RGL3: variants seen among roughly 807,000 people sequenced by gnomAD.
The protein encoded by RGL3 is ral guanine nucleotide dissociation stimulator-like 3.
In RGL3, 85 loss-of-function variants were observed where a neutral mutation model predicts 90.6. That is an observed-to-expected ratio of 0.94 (90% CI 0.79 to 1.12). RGL3 has a LOEUF of 1.12. Ranked by LOEUF, RGL3 falls within the 50% of genes most tolerant of loss-of-function variation. The pLI, the probability that RGL3 is intolerant of heterozygous loss-of-function variation, is 0.00. For synonymous variants in RGL3, 408 were observed against 385.5 expected, an observed-to-expected ratio of 1.06 and a Z score of -0.68; for missense variants, 1,034 against 939.2, an observed-to-expected ratio of 1.10 and a Z score of -1.32.
chr19:11,397,087 T>C lies in RGL3; in HGVS notation c.2014+157A>G, dbSNP rs143896532. 3.3e-3 allele frequency among the ~76,000 whole-genome samples: 496 copies of C among 152,266 alleles called. 2 individuals carry two copies. The highest frequency in any genetic ancestry group is 0.011 in the African/African-American group (463 of 41,554). On this transcript the variant is annotated intron_variant, in intron 18 of 18. Coordinates refer to ENST00000380456, the MANE Select transcript of RGL3 (RefSeq NM_001035223.4). ...ATCGTTGGGTTACAGGTATTTTATGTCCTCTTACCTCCACTGATTATCTTA... is the reference window on the plus strand; with the variant it reads ...ATCGTTGGGTTACAGGTATTTTATGCCCTCTTACCTCCACTGATTATCTTA...
At chr19:11,414,719 G>T (rs4804592) in intron 5 of RGL3, among the ~76,000 whole-genome samples, 8,004 of 150,990 alleles carry the variant, frequency 0.053, 233 homozygotes, top group African/African-American at 0.076. Flanking sequence ...TCCTAAGCAG[G>T]ATGCAATTAT....
chr19:11,397,279 T>G lies in RGL3; in HGVS notation c.1979A>C (p.Asp660Ala). 1.2e-6 allele frequency: 2 copies of G among 1,613,898 alleles called. No homozygotes were observed. Among genetic ancestry groups the G allele is most frequent in the Non-Finnish European group, 8.5e-7 (1 of 1,179,954 alleles). ...AGGAAGGACTTGAAAGAGCTGATAG[T>G]CACAGGCCCAGGGCTGGGGCACATT... ...KHNVPQPWACDYQLFQVLPGD... is the reference protein window; with the variant it reads ...KHNVPQPWACAYQLFQVLPGD... The change falls in exon 18 of 19, where the codon GAC becomes GCC. Residue 660 changes from aspartate to alanine, a missense_variant. Physicochemically the swap from Asp to Ala is moderately radical, Grantham distance 126. Coordinates refer to ENST00000380456, the MANE Select transcript of RGL3 (RefSeq NM_001035223.4).
At chr19:11,395,252 C>T (rs919908170) in intron 18 of RGL3, among the ~76,000 whole-genome samples, 6 of 151,764 alleles carry the variant, frequency 4.0e-5, no homozygotes, top group African/African-American at 1.5e-4. Flanking sequence ...TCACCATGAA[C>T]TTGAATAACT....
chr19:11,397,473 T>G lies in RGL3; in HGVS notation c.1871A>C (p.Asp624Ala). ...ARVIRVSIDNDHGNLYRSILL... is the reference protein window; with the variant it reads ...ARVIRVSIDNAHGNLYRSILL... ...GATGCTTCGATACAGGTTCCCGTGGTCATTGTCGATGCTGACGCGGATGAC... is the reference window on the plus strand; with the variant it reads ...GATGCTTCGATACAGGTTCCCGTGGGCATTGTCGATGCTGACGCGGATGAC... The change falls in exon 17 of 19, where the codon GAC (aspartate) becomes GCC (alanine). Residue 624 changes from aspartate (D) to alanine (A), a missense_variant. By Grantham distance (126) the Asp-to-Ala change is moderately radical (BLOSUM62 -2). Coordinates refer to ENST00000380456, the MANE Select transcript of RGL3 (RefSeq NM_001035223.4). The G allele has an allele frequency of 1.2e-6, 2 of 1,612,730 alleles. No individual in the cohort carries two copies. The highest frequency in any genetic ancestry group is 1.7e-6 in the Non-Finnish European group (2 of 1,179,282).
rs201152952 is a variant in RGL3, at chr19:11,397,456, G to A, written c.1888C>T (p.Arg630Ter). The change falls in exon 17 of 19, where the codon CGA becomes TGA. Residue 630 changes from arginine (R) to a stop codon, truncating the protein, a stop_gained. Coordinates refer to ENST00000380456, the MANE Select transcript of RGL3 (RefSeq NM_001035223.4). LOFTEE classifies it high-confidence loss of function. ...SIDNDHGNLYRSILLTSQDKA... is the reference protein window; with the variant it reads ...SIDNDHGNLY ...GCCCAGCCCCTCACCAAGATGCTTCGATACAGGTTCCCGTGGTCATTGTCG... is the reference window on the plus strand; with the variant it reads ...GCCCAGCCCCTCACCAAGATGCTTCAATACAGGTTCCCGTGGTCATTGTCG... The A allele has an allele frequency of 7.3e-5, 118 of 1,609,008 alleles. No individual in the cohort carries two copies. The highest frequency in any genetic ancestry group is 8.8e-5 in the Non-Finnish European group (104 of 1,176,864).
Position 11,416,085 on chromosome 19 carries a change from AGGGT to A in RGL3, c.485_488del (p.His162LeufsTer93). The A allele has an allele frequency of 6.2e-7, 1 of 1,609,676 alleles. No individual in the cohort carries two copies. The highest frequency in any genetic ancestry group is 2.2e-5 in the East Asian group (1 of 44,804). On this transcript the variant is annotated frameshift_variant, in exon 5 of 19. Coordinates refer to ENST00000380456, the MANE Select transcript of RGL3 (RefSeq NM_001035223.4). LOFTEE classifies it high-confidence loss of function. ...GGACACTGCCCAGGTCCGAATGGGC[AGGGT>A]GGTCTCGGAAATCCTGAGGGTGGTC...
At chr19:11,419,107 AAGGGCCGCG>A in intron 1 of RGL3, 130 bp downstream of exon 1, 1 of 913,824 alleles carries the variant, frequency 1.1e-6, no homozygotes, top group Middle Eastern at 2.3e-4. Flanking sequence ...TCACTGGGTC[AAGGGCCGCG>A]AGTCCCCAGG....
At chr19:11,405,577 G>T in intron 7 of RGL3, 151 bp from the exon 8 acceptor site, 2 of 637,092 alleles carry the variant, frequency 3.1e-6, no homozygotes, top group Non-Finnish European at 5.0e-6. Context: ...GAGTGCAGTG[G>T]CTCGATCATA....
chr19:11,408,478 C>T (rs755792026), intron 5 of RGL3, among the ~76,000 whole-genome samples: 29 of 151,354 alleles, frequency 1.9e-4, no homozygotes, highest in Non-Finnish European at 1.9e-4. Flanking sequence ...CCCAGCTACT[C>T]GGGGGGCTGA....
At position 11,417,162 on chromosome 19, in the gene RGL3, T is replaced by G. The variant is rs143358478; in HGVS notation, c.148-103A>C. On this transcript the variant is annotated intron_variant, in intron 2 of 18. Transcript: ENST00000380456. ...AGCACCACTCTTTTTTTTTTTGTTT[T>G]TTTTTTTGAGACAGAGTCTCACTCT... is the stretch of plus-strand genomic sequence containing the variant. 1,026 of 948,320 alleles carry G rather than the reference T, an allele frequency of 1.1e-3. 10 individuals carry two copies. The African/African-American group carries it at 0.016, about 14-fold the overall frequency. The allele number at this position is 948,320 out of a possible 1,614,324, so 58.7% of individuals were successfully genotyped here.
At chr19:11,417,762 G>A (rs959951110) in intron 2 of RGL3, among the ~76,000 whole-genome samples, 6 of 152,078 alleles carry the variant, frequency 3.9e-5, no homozygotes, top group Admixed American at 3.3e-4. Context: ...GAGCCACCTC[G>A]CCCCGCCTGT....
chr19:11,405,166 C>A lies in RGL3; in HGVS notation c.1166G>T (p.Ser389Ile), dbSNP rs1968748749. ...IFSDENNHLS[S>I]REILFQEEAT... ...CTCTACCTGGAAAAGAATCTCTCTG[C>A]TGCTGAGGTGGTTGTTCTCATCGGA... Residue 389 changes from serine (S) to isoleucine (I), a missense_variant, in exon 9 of 19, where the codon AGC becomes ATC. Coordinates refer to ENST00000380456, the MANE Select transcript of RGL3 (RefSeq NM_001035223.4). 6.2e-7 allele frequency: 1 copy of A among 1,614,060 alleles called. No homozygotes were observed. Among genetic ancestry groups the A allele is most frequent in the Non-Finnish European group, 8.5e-7 (1 of 1,179,910 alleles).
intron 10 of RGL3, 53 bp downstream of exon 10, chr19:11,402,597 A>G: frequency 3.7e-6 from 6 of 1,612,636 alleles, no homozygotes; most frequent in Admixed American, 3.3e-5. Flanking sequence ...ATCACCATCC[A>G]CAACCCTCCC....
chr19:11,413,492 G>A lies in RGL3; in HGVS notation c.637+2445C>T, dbSNP rs1189941667. On this transcript the variant is annotated intron_variant, in intron 5 of 18. Coordinates refer to ENST00000380456, the MANE Select transcript of RGL3 (RefSeq NM_001035223.4). ...GGAGGTTGCAGTGTGCCGAGATGGC[G>A]CCACTGCACTCCAGCCTGGGTGACA... Among the ~76,000 whole-genome samples the A allele has an allele frequency of 1.0e-4, 14 of 135,100 alleles. No homozygotes were observed. The Middle Eastern group carries it at 0.019, about 180-fold the overall frequency. 88.6% of individuals were successfully genotyped at this position (135,100 alleles called of 152,430 possible).
chr19:11,404,163 G>C (rs746337976), intron 9 of RGL3, among the ~76,000 whole-genome samples: 2 of 152,178 alleles, frequency 1.3e-5, no homozygotes, highest in Non-Finnish European at 2.9e-5. Flanking sequence ...GATTATAGGC[G>C]TGAGTCACTG....
chr19:11,405,099 C>T, intron 9 of RGL3, 48 bp downstream of exon 9: 1 of 1,532,300 alleles, frequency 6.5e-7, no homozygotes, highest in Non-Finnish European at 9.0e-7. Flanking sequence ...CAAGTCCCTC[C>T]CCCGACTTCC....
intron 5 of RGL3, among the ~76,000 whole-genome samples, chr19:11,410,512 T>A (rs1968856341): frequency 6.6e-6 from 1 of 151,854 alleles, no homozygotes; most frequent in Non-Finnish European, 1.5e-5. Flanking sequence ...TGAGACCCCA[T>A]GTCTACATAA....
In RGL3 at chr19:11,416,613, C is replaced by T. The variant is rs182422168; in HGVS notation, c.425+1G>A. 2.5e-6 allele frequency: 4 copies of T among 1,614,016 alleles called. No homozygotes were observed. Among genetic ancestry groups the T allele is most frequent in the African/African-American group, 2.7e-5 (2 of 75,018 alleles). Reference sequence around the variant, plus strand: ...CTCCCCTATCTGGATGAAGGACCCACCTCAGGTTCTTGTTGAAGCTCAGAT... The same window carrying T: ...CTCCCCTATCTGGATGAAGGACCCATCTCAGGTTCTTGTTGAAGCTCAGAT... On this transcript the variant is annotated splice_donor_variant, in intron 4 of 18. Coordinates refer to ENST00000380456, the MANE Select transcript of RGL3 (RefSeq NM_001035223.4). LOFTEE classifies it high-confidence loss of function.
At chr19:11,412,498 G>A (rs1968891261) in intron 5 of RGL3, among the ~76,000 whole-genome samples, 1 of 151,994 alleles carries the variant, frequency 6.6e-6, no homozygotes, top group Non-Finnish European at 1.5e-5. Flanking sequence ...AGCAAAAAGT[G>A]AACCCAAAAT....
Sources: gnomAD v4.1 joint callset for allele counts (sites outside exome capture counted in the v4.1 genomes callset) on GRCh38, gnomAD v4.1.1 for gene constraint, MANE v1.5 for transcripts, NCBI Gene and HGNC (gene_info 2026-07-23, HGNC 2026-07-21) for gene names.